The following SDK2 variants were observed in gnomAD, a reference collection of about 807,000 sequenced individuals.
The protein encoded by SDK2 is sidekick cell adhesion molecule 2, also known as protein sidekick-2.
A neutral mutation model predicts 253.9 loss-of-function variants in SDK2; 105 were observed. The observed-to-expected ratio is 0.41, with a 90% confidence interval of 0.35 to 0.49. The LOEUF (loss-of-function observed/expected upper bound fraction) is 0.49. SDK2 is among the 20% of genes least tolerant of loss of function. The probability of loss-of-function intolerance (pLI) is 0.06; values close to 1 mark genes in which losing one functional copy is unlikely to be tolerated. For missense variants in SDK2, 2,608 were observed against 3,003.0 expected (o/e 0.87, Z 3.07); for synonymous variants, 1,249 against 1,234.9 (o/e 1.01, Z -0.24).
intron 1 of SDK2, among the ~76,000 whole-genome samples, chr17:73,560,460 C>T (rs1195901308): frequency 6.6e-6 from 1 of 152,250 alleles, no homozygotes; most frequent in Non-Finnish European, 1.5e-5. Flanking sequence ...CTGTCTCAGC[C>T]TCCTGAGTAG....
At chr17:73,490,687 G>GTAT (rs148141782) in intron 2 of SDK2, among the ~76,000 whole-genome samples, 261 of 151,024 alleles carry the variant, frequency 1.7e-3, no homozygotes, top group African/African-American at 5.9e-3. Flanking sequence ...GCTAATTTTT[G>GTAT]TATTATTATT....
rs148125243 is a variant in SDK2 at position 73,398,337 on chromosome 17, G to A, written c.3186C>T (p.Asn1062=). 44 of 1,613,882 alleles carry A rather than the reference G, an allele frequency of 2.7e-5. No homozygotes were observed. Among genetic ancestry groups the A allele is most frequent in the African/African-American group, 4.0e-5 (3 of 74,944 alleles). ...DARSMEVPDL[N]PFTCYSFRMR... is the part of the protein sequence containing the mutation. ...CTCATTACCTGTAGCAGGTGAAGGG[G>A]TTGAGGTCGGGCACCTCCATGGAGC... Residue 1062 remains asparagine (N), a synonymous_variant, in exon 23 of 45, where the codon AAC becomes AAT. Coordinates refer to ENST00000392650, the MANE Select transcript of SDK2 (RefSeq NM_001144952.2).
chr17:73,559,144 CCCCACAAGCAACA>C, intron 1 of SDK2, among the ~76,000 whole-genome samples: 1 of 152,274 alleles, frequency 6.6e-6, no homozygotes, highest in South Asian at 2.1e-4. Flanking sequence ...TGCACCGGGG[CCCCACAAGCAACA>C]CCCAGATCCT....
At chr17:73,605,888 AC>A (rs1348396601) in intron 1 of SDK2, among the ~76,000 whole-genome samples, 4 of 151,810 alleles carry the variant, frequency 2.6e-5, no homozygotes, top group Non-Finnish European at 4.4e-5. Flanking sequence ...CCTGCTCTTC[AC>A]CAAGCCCGGG....
At position 73,581,310 on chromosome 17, in the gene SDK2, C is replaced by T. The variant is rs9890108; in HGVS notation, c.64+62715G>A. On this transcript the variant is annotated intron_variant, in intron 1 of 44. Coordinates refer to ENST00000392650, the MANE Select transcript of SDK2 (RefSeq NM_001144952.2). ...GGGCCCTGCAAACTAGGTAGCCAGT[C>T]CCATGCCCAAAGTAGGAAACGCTCC... Among the ~76,000 whole-genome samples the T allele has an allele frequency of 5.5e-3, 844 of 152,326 alleles. 10 individuals carry two copies. Among genetic ancestry groups the T allele is most frequent in the African/African-American group, 0.018 (730 of 41,572 alleles).
intron 44 of SDK2, among the ~76,000 whole-genome samples, chr17:73,339,284 T>G (rs11871000): frequency 0.83 from 123,595 of 149,276 alleles, 54,938 homozygotes; most frequent in Non-Finnish European, 0.98. Flanking sequence ...TGGAGTACAT[T>G]GGCATGATCT....
chr17:73,466,822 T>C (rs2063603463), intron 3 of SDK2, among the ~76,000 whole-genome samples: 1 of 151,104 alleles, frequency 6.6e-6, no homozygotes, highest in Admixed American at 6.6e-5. Context: ...GAAGGTCACT[T>C]TAACCTTGTT....
In SDK2 at chr17:73,511,762, C is replaced by T. The variant is rs114728392; in HGVS notation, c.65-4165G>A. On this transcript the variant is annotated intron_variant, in intron 1 of 44. Transcript: ENST00000392650. This position sits in a 1 kb window ranked among gnomAD's most constrained non-coding sequence, Gnocchi z 4.9. ...CTCTGAGCAGTGACAGCTGATTTTC[C>T]TCCAGGACCTGCCTCGTCTGAAAGC... is the stretch of plus-strand genomic sequence containing the variant. Among the ~76,000 whole-genome samples the T allele has an allele frequency of 0.014, 2,135 of 152,302 alleles. 56 individuals are homozygous for T. The highest frequency in any genetic ancestry group is 0.047 in the African/African-American group (1,970 of 41,556).
At chr17:73,610,084 C>T (rs549712672) in intron 1 of SDK2, among the ~76,000 whole-genome samples, 45 of 152,320 alleles carry the variant, frequency 3.0e-4, no homozygotes, top group Non-Finnish European at 4.0e-4. Context: ...TTCTCCTCCA[C>T]GTCCCTGGGG....
Position 73,629,268 on chromosome 17 carries a change from G to A in SDK2, c.64+14757C>T, listed in dbSNP as rs2046240010. ...GGCTCCAGAATCTGGAGCCCAAGGA[G>A]GGTGCTGGGAAGAAAGACCACAAGC... On this transcript the variant is annotated intron_variant, in intron 1 of 44. Transcript: ENST00000392650. This position sits in a 1 kb window ranked among gnomAD's most constrained non-coding sequence, Gnocchi z 5.0. 1.3e-5 allele frequency among the ~76,000 whole-genome samples: 2 copies of A among 152,122 alleles called. No homozygotes were observed. The highest frequency in any genetic ancestry group is 2.9e-5 in the Non-Finnish European group (2 of 68,010).
At chr17:73,532,336 C>T (rs1378712531) in intron 1 of SDK2, among the ~76,000 whole-genome samples, 2 of 152,190 alleles carry the variant, frequency 1.3e-5, no homozygotes, top group African/African-American at 2.4e-5. Context: ...GACCCTGCCA[C>T]GCAGTAGGCC....
intron 6 of SDK2, 101 bp downstream of exon 6, chr17:73,440,711 C>T: frequency 1.2e-6 from 1 of 824,454 alleles, no homozygotes; most frequent in Non-Finnish European, 2.1e-6. Flanking sequence ...TGTCCTGGAT[C>T]CTCAGGTGAT....
rs1406220223 is a variant in SDK2, at chr17:73,405,508, ATATATATAT to A, written c.2485-3376_2485-3368del. 4.1e-4 allele frequency among the ~76,000 whole-genome samples: 28 copies of A among 68,802 alleles called. 4 individuals carry two copies. Among genetic ancestry groups the A allele is most frequent in the African/African-American group, 1.1e-3 (20 of 18,294 alleles). 45.1% of individuals were successfully genotyped at this position (68,802 alleles called of 152,430 possible). A position where few individuals can be genotyped will look rare whatever the true frequency, so the allele number is the denominator to read the frequency against. ...TATATATATATATATATATATATAT[ATATATATAT>A]AAAGATCGAGAATGTGGAAAGTACA... On this transcript the variant is annotated intron_variant, in intron 18 of 44. Transcript: ENST00000392650.
chr17:73,343,989 C>T (rs1012567745), intron 44 of SDK2, among the ~76,000 whole-genome samples: 3 of 152,206 alleles, frequency 2.0e-5, no homozygotes, highest in Admixed American at 2.0e-4. Context: ...CTGAAGCCGG[C>T]AGCGCATCTG....
At chr17:73,486,580 A>G (rs2145722245) in intron 2 of SDK2, among the ~76,000 whole-genome samples, 1 of 148,630 alleles carries the variant, frequency 6.7e-6, no homozygotes, top group East Asian at 2.0e-4. Flanking sequence ...ACTGCACTAC[A>G]GCCTGAGTGA....
chr17:73,360,895 CA>C (rs2062634007), intron 39 of SDK2, among the ~76,000 whole-genome samples: 1 of 150,180 alleles, frequency 6.7e-6, no homozygotes, highest in South Asian at 2.1e-4. Context: ...GAGATTGCAC[CA>C]CTGCACTCCA....
In SDK2 at chr17:73,447,079, G is replaced by T. The variant is rs1270322565; in HGVS notation, c.613+536C>A. Among the ~76,000 whole-genome samples, 5 of 152,206 alleles carry T rather than the reference G, an allele frequency of 3.3e-5. No individual in the cohort carries two copies. Among genetic ancestry groups the T allele is most frequent in the Non-Finnish European group, 7.3e-5 (5 of 68,046 alleles). Reference sequence around the variant, plus strand: ...GCCCTTTTCGCCCAGGGAGCTGGAGGTGTCTGAGGATGGAGGTGTTTTAGG... The same window carrying T: ...GCCCTTTTCGCCCAGGGAGCTGGAGTTGTCTGAGGATGGAGGTGTTTTAGG... On this transcript the variant is annotated intron_variant, in intron 5 of 44. Transcript: ENST00000392650. This position sits in a 1 kb window ranked among gnomAD's most constrained non-coding sequence, Gnocchi z 4.0.
At chr17:73,387,706 G>T (rs954210787) in intron 30 of SDK2, 130 bp downstream of exon 30, 1 of 762,036 alleles carries the variant, frequency 1.3e-6, no homozygotes, top group Non-Finnish European at 2.1e-6. Context: ...CCGCCTGGGT[G>T]GTGCATGTAG....
chr17:73,556,425 T>C (rs112463329), intron 1 of SDK2, among the ~76,000 whole-genome samples: 2,182 of 152,292 alleles, frequency 0.014, 36 homozygotes, highest in African/African-American at 0.049. Flanking sequence ...GGCTCTCTCT[T>C]GGCTTCCTCC....
Sources: allele counts gnomAD v4.1 joint callset (sites outside exome capture counted in the v4.1 genomes callset), GRCh38; gene constraint gnomAD v4.1.1; non-coding constraint Gnocchi (gnomAD v3.1); transcripts MANE v1.5; gene names NCBI Gene and HGNC (gene_info 2026-07-23, HGNC 2026-07-21).